NOL8: variants seen among roughly 807,000 people sequenced by gnomAD.
NOL8 encodes the protein nucleolar protein Nop132.
NOL8 carries 93 observed loss-of-function variants against 116.1 expected under a neutral mutation model. The ratio of observed to expected loss-of-function variants is 0.80; its 90% CI spans 0.68 to 0.95. The LOEUF (loss-of-function observed/expected upper bound fraction) is 0.95, where lower values mean the gene tolerates loss of function less well. Among genes scored for constraint, NOL8 ranks in the 40% least tolerant of loss-of-function variants. The pLI is 0.00. For synonymous variants in NOL8, 419 were observed against 469.0 expected (o/e 0.89, Z 1.38); for missense variants, 1,291 against 1,382.8 (o/e 0.93, Z 1.05).
intron 12 of NOL8, among the ~76,000 whole-genome samples, chr9:92,303,180 T>G (rs1293706650): frequency 1.3e-5 from 2 of 151,990 alleles, no homozygotes; most frequent in Non-Finnish European, 2.9e-5. Context: ...AGACTCCTAA[T>G]CTCCAGAAGG....
chr9:92,317,877 A>G (rs1372780075), intron 6 of NOL8, among the ~76,000 whole-genome samples: 2 of 151,692 alleles, frequency 1.3e-5, no homozygotes, highest in Non-Finnish European at 2.9e-5. Flanking sequence ...TAGTAAAAAT[A>G]CAAAAAAATT....
chr9:92,301,439 GAAGA>G (rs1837733935), intron 13 of NOL8, 108 bp downstream of exon 13: 1 of 798,240 alleles, frequency 1.3e-6, no homozygotes, highest in African/African-American at 1.8e-5. Context: ...CTTCTAGGTA[GAAGA>G]AAGAGTCCTT....
intron 14 of NOL8, among the ~76,000 whole-genome samples, chr9:92,299,155 C>T (rs958670927): frequency 1.3e-5 from 2 of 152,180 alleles, no homozygotes; most frequent in African/African-American, 4.8e-5. Flanking sequence ...TGAGTTAAAA[C>T]AACCCTCCCT....
chr9:92,320,262 T>C (rs2130734770), intron 4 of NOL8: 1 of 450,822 alleles, frequency 2.2e-6, no homozygotes, highest in South Asian at 1.6e-5. Context: ...TGTCCCAGAA[T>C]AACCATCAGA....
At position 92,323,505 on chromosome 9, in the gene NOL8, T is replaced by TA. The variant is rs1343982969; in HGVS notation, c.140-3dup. On this transcript the variant is annotated splice_region_variant and splice_polypyrimidine_tract_variant and intron_variant, in intron 2 of 16. Coordinates refer to ENST00000442668, the MANE Select transcript of NOL8 (RefSeq NM_017948.6). Reference sequence around the variant, plus strand: ...ATGCAAAAACTTTCTGTGGGTTTCCTAAAAAACAAACAAACAAACAAACAA... The same window carrying TA: ...ATGCAAAAACTTTCTGTGGGTTTCCTAAAAAAACAAACAAACAAACAAACAA... 1.3e-6 allele frequency: 2 copies of TA among 1,597,010 alleles called. No individual in the cohort carries two copies. The highest frequency in any genetic ancestry group is 1.7e-6 in the Non-Finnish European group (2 of 1,172,350).
At chr9:92,299,646 G>T (rs1837547958) in intron 14 of NOL8, among the ~76,000 whole-genome samples, 1 of 152,056 alleles carries the variant, frequency 6.6e-6, no homozygotes, top group African/African-American at 2.4e-5. Flanking sequence ...CAGCTACTTG[G>T]GAGGCTGGGA....
chr9:92,302,844 T>C (rs975684345), intron 12 of NOL8, among the ~76,000 whole-genome samples: 1 of 152,172 alleles, frequency 6.6e-6, no homozygotes, highest in African/African-American at 2.4e-5. Flanking sequence ...AAAAAACTGT[T>C]AGTAGAAACC....
chr9:92,325,041 ATCTC>A, intron 1 of NOL8: 1 of 152,160 alleles, frequency 6.6e-6, no homozygotes, highest in Non-Finnish European at 1.5e-5. Context: ...CCATCATAGT[ATCTC>A]TCATTTCGTT....
chr9:92,300,088 T>C (rs1837604653), intron 13 of NOL8, 72 bp from the exon 14 acceptor site: 15 of 1,538,900 alleles, frequency 9.7e-6, no homozygotes, highest in Non-Finnish European at 1.3e-5. Flanking sequence ...CACATTCATT[T>C]GATTACTTTT....
In NOL8 at chr9:92,298,261, C is replaced by A. The variant is rs771676320; in HGVS notation, c.3449G>T (p.Arg1150Leu). ...TATGGAGAAACAATTACTCACCATACGCAGGTTGGTTGTTCTGGCCTCCCA... is the reference window on the plus strand; with the variant it reads ...TATGGAGAAACAATTACTCACCATAAGCAGGTTGGTTGTTCTGGCCTCCCA... ...NSWEARTTNLRMDCRKKHKDA... is the reference protein window; with the variant it reads ...NSWEARTTNLLMDCRKKHKDA... Residue 1150 changes from arginine to leucine, a missense_variant, in exon 16 of 17, where the codon CGT becomes CTT. Physicochemically the swap from Arg to Leu is moderately radical, Grantham distance 102. Coordinates refer to ENST00000442668, the MANE Select transcript of NOL8 (RefSeq NM_017948.6). 1.9e-6 allele frequency: 3 copies of A among 1,602,166 alleles called. No individual in the cohort carries two copies. The highest frequency in any genetic ancestry group is 1.7e-5 in the Admixed American group (1 of 58,930).
At chr9:92,323,958 T>C (rs1588014770) in intron 2 of NOL8, 65 bp downstream of exon 2, 1 of 1,545,768 alleles carries the variant, frequency 6.5e-7, no homozygotes, top group Non-Finnish European at 8.8e-7. Flanking sequence ...GGGGTTGTTT[T>C]ATTTTCTAGC....
intron 7 of NOL8, 44 bp from the exon 8 acceptor site, chr9:92,311,303 A>G (rs1239324871): frequency 6.9e-7 from 1 of 1,451,754 alleles, no homozygotes; most frequent in Non-Finnish European, 9.6e-7. Flanking sequence ...AAGATTTATG[A>G]TGAAGACTCC....
chr9:92,317,213 G>C (rs764253198), intron 6 of NOL8, among the ~76,000 whole-genome samples: 2 of 152,138 alleles, frequency 1.3e-5, no homozygotes, highest in African/African-American at 4.8e-5. Context: ...TCCCCCAGTG[G>C]CCTCCCAAAG....
intron 3 of NOL8, chr9:92,323,139 G>C (rs1317488744): frequency 4.9e-6 from 2 of 404,606 alleles, no homozygotes; most frequent in Non-Finnish European, 8.9e-6. Flanking sequence ...GGGGAATGTG[G>C]CATGATATTC....
chr9:92,300,749 AT>A, intron 13 of NOL8: 1 of 1,194,872 alleles, frequency 8.4e-7, no homozygotes, highest in Non-Finnish European at 1.1e-6. Flanking sequence ...CGGAGTTGGT[AT>A]TATCTGCTAG....
chr9:92,315,663 G>A lies in NOL8; in HGVS notation c.962C>T (p.Thr321Ile), dbSNP rs1466275355. 2 of 1,612,622 alleles carry A rather than the reference G, an allele frequency of 1.2e-6. No homozygotes were observed. Among genetic ancestry groups the A allele is most frequent in the Non-Finnish European group, 1.7e-6 (2 of 1,179,302 alleles). Residue 321 changes from threonine (T) to isoleucine (I), a missense_variant, in exon 7 of 17, where the codon ACT becomes ATT. By Grantham distance (89) the Thr-to-Ile change is moderately conservative. Coordinates refer to ENST00000442668, the MANE Select transcript of NOL8 (RefSeq NM_017948.6). Reference protein sequence around the residue: ...MIAKEENLQRTTQPSINESES... With the variant: ...MIAKEENLQRITQPSINESES... ...AGATTCATTTATTGAGGGTTGTGTA[G>A]TTCTCTGTAAGTTTTCCTCTTTCGC... is the stretch of plus-strand genomic sequence containing the variant.
intron 7 of NOL8, among the ~76,000 whole-genome samples, chr9:92,313,003 C>A (rs1838989509): frequency 6.7e-6 from 1 of 149,486 alleles, no homozygotes; most frequent in Non-Finnish European, 1.5e-5. Context: ...AAAGCATTGT[C>A]TTAAAACAAC....
Position 92,315,884 on chromosome 9 carries a change from G to A in NOL8, c.741C>T (p.Pro247=). ...TTTGTGCAGCCTGTTGCTGTGTTAA[G>A]GGTGGTCTCTCTATTACCCTCCTGG... ...TRPRRVIERP[P]LTQQQAAQKR... The change falls in exon 7 of 17, where the codon CCC becomes CCT. Residue 247 remains proline, a synonymous_variant. Transcript: ENST00000442668. 6.2e-7 allele frequency: 1 copy of A among 1,613,882 alleles called. No individual in the cohort carries two copies. The highest frequency in any genetic ancestry group is 1.1e-5 in the South Asian group (1 of 91,074).
chr9:92,310,678 G>A lies in NOL8; in HGVS notation c.2473-3C>T, dbSNP rs1838691236. On this transcript the variant is annotated splice_region_variant and splice_polypyrimidine_tract_variant and intron_variant, in intron 8 of 16. Coordinates refer to ENST00000442668, the MANE Select transcript of NOL8 (RefSeq NM_017948.6). ...CCTGATGTTTTACCCATAGACTCCT[G>A]TGAAGAAACACAACATTTATTAATA... The A allele has an allele frequency of 6.3e-7, 1 of 1,596,158 alleles. No individual in the cohort carries two copies. Among genetic ancestry groups the A allele is most frequent in the African/African-American group, 1.4e-5 (1 of 73,958 alleles).
Sources: gnomAD v4.1 joint callset for allele counts (sites outside exome capture counted in the v4.1 genomes callset) on GRCh38, gnomAD v4.1.1 for gene constraint, MANE v1.5 for transcripts, NCBI Gene and HGNC (gene_info 2026-07-23, HGNC 2026-07-21) for gene names.